Variants in LPA observed in about 807,000 individuals in gnomAD.
LPA encodes the protein apolipoprotein(a).
A neutral mutation model predicts 197.9 loss-of-function variants in LPA; 199 were observed. The observed-to-expected ratio is 1.01, with a 90% CI of 0.90 to 1.13. The LOEUF (loss-of-function observed/expected upper bound fraction) is 1.13, where lower values mean the gene tolerates loss of function less well. Among genes scored for constraint, LPA ranks in the 50% most tolerant of loss-of-function variants. The pLI is 0.00. For missense variants in LPA, 1,853 were observed against 1,785.8 expected (o/e 1.04, Z -0.68); for synonymous variants, 715 against 639.5 (o/e 1.12, Z -1.78).
intron 25 of LPA, 103 bp from the exon 26 acceptor site, chr6:160,585,308 C>T (rs1778889817): frequency 1.9e-6 from 2 of 1,079,856 alleles, no homozygotes; most frequent in Non-Finnish European, 2.9e-6. Context: ...TAACAATTTA[C>T]ACTCTTCTAT....
At chr6:160,577,668 G>A (rs1052984530) in intron 27 of LPA, among the ~76,000 whole-genome samples, 10 of 152,086 alleles carry the variant, frequency 6.6e-5, no homozygotes, top group African/African-American at 1.9e-4. Context: ...GTCAGGGGCC[G>A]ACACAAGACC....
At position 160,532,443 on chromosome 6, in the gene LPA, C is replaced by T. The variant is rs41266373; in HGVS notation, c.5961+88G>A. On this transcript the variant is annotated intron_variant, in intron 38 of 38. Coordinates refer to ENST00000316300, the MANE Select transcript of LPA (RefSeq NM_005577.4). The stretch of plus-strand genomic sequence containing the variant: ...TGGGGTCTTCCACTGACAAAACCTT[C>T]CTGAATTTGCCACTTTGGGACTGAC... 4,181 of 1,036,864 alleles carry T rather than the reference C, an allele frequency of 4.0e-3. 110 individuals are homozygous for T. The African/African-American group carries it at 0.057, about 14-fold the overall frequency. The allele number at this position is 1,036,864 out of a possible 1,614,324, so 64.2% of individuals were successfully genotyped here. A position where few individuals can be genotyped will look rare whatever the true frequency, so the allele number is the denominator to read the frequency against.
At chr6:160,635,705 C>G (rs1340208078) in intron 6 of LPA, among the ~76,000 whole-genome samples, 19 of 112,786 alleles carry the variant, frequency 1.7e-4, no homozygotes, top group African/African-American at 6.4e-4. Flanking sequence ...CTGTATCTGT[C>G]TAGTCTCCGT....
At chr6:160,563,035 T>C (rs1412427355) in intron 28 of LPA, among the ~76,000 whole-genome samples, 1 of 152,176 alleles carries the variant, frequency 6.6e-6, no homozygotes, top group East Asian at 1.9e-4. Context: ...GATTTATTAA[T>C]TTTTTAAAGG....
chr6:160,552,545 A>G (rs1778182933), intron 30 of LPA, among the ~76,000 whole-genome samples: 2 of 152,226 alleles, frequency 1.3e-5, no homozygotes, highest in South Asian at 4.1e-4. Flanking sequence ...GGATCATAGC[A>G]TGTATACAGA....
intron 28 of LPA, among the ~76,000 whole-genome samples, chr6:160,576,486 G>GAATATTTATATATAAATATATATA (rs1344259032): frequency 1.5e-5 from 2 of 137,758 alleles, no homozygotes; most frequent in African/African-American, 5.3e-5. Context: ...TTACATACCT[G>GAATATTTATATATAAATATATATA]AATATTTATA....
chr6:160,563,909 T>C (rs1410193308), intron 28 of LPA, among the ~76,000 whole-genome samples: 2 of 152,206 alleles, frequency 1.3e-5, no homozygotes, highest in Non-Finnish European at 2.9e-5. Context: ...TTCTTTCCAT[T>C]TGCTTGGTAA....
chr6:160,593,891 G>A, intron 22 of LPA, 67 bp downstream of exon 22: 10 of 1,584,540 alleles, frequency 6.3e-6, no homozygotes, highest in Non-Finnish European at 7.8e-6. Context: ...TTAGTTGGAA[G>A]CATGGCCCTT....
rs139932397 is a variant in LPA at position 160,648,609 on chromosome 6, C to T, written c.209+1729G>A. Among the ~76,000 whole-genome samples, 29 of 151,620 alleles carry T rather than the reference C, an allele frequency of 1.9e-4. No homozygotes were observed. The East Asian group carries it at 4.3e-3, about 22-fold the overall frequency. On this transcript the variant is annotated intron_variant, in intron 2 of 38. Coordinates refer to ENST00000316300, the MANE Select transcript of LPA (RefSeq NM_005577.4). The stretch of plus-strand genomic sequence containing the variant: ...ATGTTTGAGTGTGTGTGTATGCATG[C>T]GTGTGTTTTGTATGTGTGTATCTGG...
chr6:160,653,996 TTATATATAATA>T (rs1562354612), intron 1 of LPA, among the ~76,000 whole-genome samples: 2 of 16,068 alleles, frequency 1.2e-4, no homozygotes, highest in Non-Finnish European at 2.0e-4. Flanking sequence ...ATAATATATA[TTATATATAATA>T]TATATTATAT....
chr6:160,653,677 C>T (rs1780045679), intron 1 of LPA, among the ~76,000 whole-genome samples: 2 of 151,084 alleles, frequency 1.3e-5, no homozygotes, highest in Non-Finnish European at 2.9e-5. Context: ...TCTATGAGGT[C>T]GTCATCATTC....
At chr6:160,556,884 T>C (rs1778273861) in intron 29 of LPA, among the ~76,000 whole-genome samples, 1 of 152,054 alleles carries the variant, frequency 6.6e-6, no homozygotes, top group Admixed American at 6.6e-5. Context: ...AGAGCCTACC[T>C]AAGACTGAAA....
intron 37 of LPA, among the ~76,000 whole-genome samples, chr6:160,537,611 C>CA (rs919032787): frequency 2.0e-5 from 3 of 151,682 alleles, no homozygotes; most frequent in East Asian, 1.9e-4. Flanking sequence ...ACAATCATTA[C>CA]AAAAAAAATT....
At chr6:160,547,740 A>C in intron 32 of LPA, 49 bp downstream of exon 32, 4 of 1,613,300 alleles carry the variant, frequency 2.5e-6, no homozygotes, top group Non-Finnish European at 3.4e-6. Context: ...CTTCTGTTTG[A>C]AAAGATTTGT....
intron 1 of LPA, among the ~76,000 whole-genome samples, chr6:160,659,651 G>A (rs1331496929): frequency 6.6e-6 from 1 of 152,224 alleles, no homozygotes; most frequent in African/African-American, 2.4e-5. Context: ...CAGAGGGGCT[G>A]TGGGTTGTCT....
At chr6:160,583,272 C>A (rs571085293) in intron 26 of LPA, among the ~76,000 whole-genome samples, 2 of 152,078 alleles carry the variant, frequency 1.3e-5, no homozygotes, top group Non-Finnish European at 2.9e-5. Context: ...ATTGTGCATA[C>A]TATATAATTG....
chr6:160,610,749 T>C (rs1219870513), intron 16 of LPA, among the ~76,000 whole-genome samples: 1 of 152,166 alleles, frequency 6.6e-6, no homozygotes, highest in African/African-American at 2.4e-5. Flanking sequence ...TACAGGCTGC[T>C]TGAGCTCCAT....
intron 27 of LPA, 151 bp from the exon 28 acceptor site, chr6:160,577,446 G>T: frequency 1.5e-6 from 1 of 656,676 alleles, no homozygotes; most frequent in Non-Finnish European, 2.6e-6. Context: ...AGACCCAGTA[G>T]ATTCATAGTA....
At chr6:160,546,232 T>C (rs1778068663) in intron 32 of LPA, among the ~76,000 whole-genome samples, 1 of 152,126 alleles carries the variant, frequency 6.6e-6, no homozygotes, top group Non-Finnish European at 1.5e-5. Flanking sequence ...GGGCCGAAGG[T>C]GAGCCGATCA....
Sources: allele counts gnomAD v4.1 joint callset (sites outside exome capture counted in the v4.1 genomes callset), GRCh38; gene constraint gnomAD v4.1.1; transcripts MANE v1.5; gene names NCBI Gene and HGNC (gene_info 2026-07-23, HGNC 2026-07-21).